The following FANCL variants were observed in gnomAD, a reference collection of about 807,000 sequenced individuals.
The protein encoded by FANCL is FA complementation group L.
Under a neutral mutation model 59.4 loss-of-function variants are expected in FANCL, and 69 were observed. The observed-to-expected ratio is 1.16, with a 90% CI of 0.96 to 1.42. The LOEUF (loss-of-function observed/expected upper bound fraction) is 1.42. Ranked by LOEUF, FANCL falls within the 40% of genes most tolerant of loss-of-function variation. The pLI, the probability that FANCL is intolerant of heterozygous loss-of-function variation, is 0.00. For synonymous variants in FANCL, 180 were observed against 147.1 expected (o/e 1.22, Z -1.62); for missense variants, 519 against 447.2 (o/e 1.16, Z -1.45).
intron 7 of FANCL, among the ~76,000 whole-genome samples, chr2:58,179,390 T>A (rs896535478): frequency 2.6e-5 from 4 of 152,052 alleles, no homozygotes; most frequent in African/African-American, 9.7e-5. Context: ...AACAGAGATA[T>A]AGACCAATGG....
intron 13 of FANCL, 75 bp downstream of exon 13, chr2:58,160,033 A>G: frequency 4.4e-6 from 7 of 1,602,002 alleles, no homozygotes; most frequent in Non-Finnish European, 5.1e-6. Flanking sequence ...CTGATATACT[A>G]TATAGATCTA....
intron 7 of FANCL, among the ~76,000 whole-genome samples, chr2:58,168,258 C>A (rs1279941607): frequency 2.6e-5 from 4 of 152,114 alleles, no homozygotes; most frequent in Non-Finnish European, 5.9e-5. Context: ...ACCGGCTCAC[C>A]TCATTGGGAC....
chr2:58,163,445 C>T lies in FANCL; in HGVS notation c.764G>A (p.Gly255Glu). 6.2e-7 allele frequency: 1 copy of T among 1,608,498 alleles called. No individual in the cohort carries two copies. The highest frequency in any genetic ancestry group is 8.5e-7 in the Non-Finnish European group (1 of 1,175,270). Residue 255 changes from glycine (G) to glutamate (E), a missense_variant, in exon 9 of 14, where the codon GGA (glycine) becomes GAA (glutamate). Transcript: ENST00000233741. Reference sequence around the variant, plus strand: ...CTCAGATGTCATACCATGGTCAGCTCCAAGAAAGAAGCACTCAGGAAGCAT... The same window carrying T: ...CTCAGATGTCATACCATGGTCAGCTTCAAGAAAGAAGCACTCAGGAAGCAT... ...PTMLPECFFLGADHVVKPLGI... is the reference protein window; with the variant it reads ...PTMLPECFFLEADHVVKPLGI...
intron 6 of FANCL, among the ~76,000 whole-genome samples, chr2:58,198,985 C>A (rs542101634): frequency 8.9e-4 from 132 of 148,816 alleles, no homozygotes; most frequent in Non-Finnish European, 1.6e-3. Context: ...GCCGAGACTG[C>A]GCCACTGCAC....
intron 5 of FANCL, among the ~76,000 whole-genome samples, chr2:58,210,470 G>C (rs560646102): frequency 6.6e-6 from 1 of 152,238 alleles, no homozygotes; most frequent in East Asian, 1.9e-4. Flanking sequence ...TGAGACTTGG[G>C]TAGGGACACA....
chr2:58,203,192 C>G (rs572832609), intron 6 of FANCL, among the ~76,000 whole-genome samples: 40 of 151,822 alleles, frequency 2.6e-4, no homozygotes, highest in Non-Finnish European at 1.0e-4. Context: ...CATACATATT[C>G]TGTGTGTGAG....
intron 8 of FANCL, among the ~76,000 whole-genome samples, chr2:58,165,517 A>G (rs1340449681): frequency 6.6e-6 from 1 of 152,130 alleles, no homozygotes; most frequent in Admixed American, 6.5e-5. Context: ...TTGGATCATC[A>G]CCTTTTATAA....
At chr2:58,198,832 A>T (rs979698488) in intron 6 of FANCL, among the ~76,000 whole-genome samples, 170 bp from the exon 7 acceptor site, 1 of 152,096 alleles carries the variant, frequency 6.6e-6, no homozygotes, top group African/African-American at 2.4e-5. Flanking sequence ...GATCGAGATC[A>T]TCCTGGCTAT....
Position 58,163,449 on chromosome 2 carries a change from G to A in FANCL, c.760C>T (p.Leu254Phe), listed in dbSNP as rs1331385236. 1.2e-6 allele frequency: 2 copies of A among 1,609,630 alleles called. No homozygotes were observed. The highest frequency in any genetic ancestry group is 1.7e-6 in the Non-Finnish European group (2 of 1,176,154). Residue 254 changes from leucine to phenylalanine, a missense_variant, in exon 9 of 14, where the codon CTT becomes TTT. By Grantham distance (22) the Leu-to-Phe change is conservative. Coordinates refer to ENST00000233741, the MANE Select transcript of FANCL (RefSeq NM_018062.4). ...GATGTCATACCATGGTCAGCTCCAA[G>A]AAAGAAGCACTCAGGAAGCATAGTA... is the stretch of plus-strand genomic sequence containing the variant. ...HPTMLPECFFLGADHVVKPLG... is the reference protein window; with the variant it reads ...HPTMLPECFFFGADHVVKPLG...
At chr2:58,221,131 T>A (rs951975962) in intron 5 of FANCL, among the ~76,000 whole-genome samples, 21 of 151,548 alleles carry the variant, frequency 1.4e-4, no homozygotes, top group African/African-American at 4.8e-4. Flanking sequence ...GGGAATGGCG[T>A]GAACCCGGGA....
At chr2:58,195,201 C>T (rs1689311642) in intron 7 of FANCL, among the ~76,000 whole-genome samples, 1 of 152,088 alleles carries the variant, frequency 6.6e-6, no homozygotes, top group African/African-American at 2.4e-5. Context: ...AGAAGTCTCA[C>T]ATTTCTTCTT....
chr2:58,231,647 A>G (rs1343297513), intron 2 of FANCL, among the ~76,000 whole-genome samples: 2 of 152,134 alleles, frequency 1.3e-5, no homozygotes, highest in African/African-American at 2.4e-5. Context: ...CCAGCACTCA[A>G]TGTTGGTACC....
chr2:58,231,591 G>C (rs1452498949), intron 2 of FANCL, among the ~76,000 whole-genome samples: 2 of 152,036 alleles, frequency 1.3e-5, no homozygotes, highest in Non-Finnish European at 2.9e-5. Context: ...TGAGATTTGG[G>C]GTGGTACCTA....
Position 58,221,966 on chromosome 2 carries a change from T to C in FANCL, c.350A>G (p.Glu117Gly). Residue 117 changes from glutamate to glycine, a missense_variant, in exon 5 of 14, where the codon GAG (glutamate) becomes GGG (glycine). Glu to Gly is a moderately conservative substitution (Grantham distance 98). Coordinates refer to ENST00000233741, the MANE Select transcript of FANCL (RefSeq NM_018062.4). ...PPQFYSSLIEEIGTLGWDKLV... is the reference protein window; with the variant it reads ...PPQFYSSLIEGIGTLGWDKLV... ...CTTATCCCAACCAAGAGTTCCTATC[T>C]CTTCAATAAGGCTTGAGTAGAACTG... 6.2e-7 allele frequency: 1 copy of C among 1,612,964 alleles called. No individual in the cohort carries two copies. Among genetic ancestry groups the C allele is most frequent in the East Asian group, 2.2e-5 (1 of 44,790 alleles).
chr2:58,175,897 C>T (rs1418276755), intron 7 of FANCL, among the ~76,000 whole-genome samples: 2 of 151,882 alleles, frequency 1.3e-5, no homozygotes, highest in East Asian at 3.9e-4. Flanking sequence ...TTGTCTCAGC[C>T]CAAAATCTCC....
chr2:58,160,017 G>C, intron 13 of FANCL, 91 bp downstream of exon 13: 1 of 1,576,084 alleles, frequency 6.3e-7, no homozygotes, highest in African/African-American at 1.4e-5. Context: ...AAAAGTTTTA[G>C]ATAAACTGAT....
At chr2:58,215,120 T>C (rs1691584530) in intron 5 of FANCL, among the ~76,000 whole-genome samples, 1 of 152,174 alleles carries the variant, frequency 6.6e-6, no homozygotes, top group Admixed American at 6.5e-5. Flanking sequence ...CATCTGAAGA[T>C]AAGTCAAAAT....
intron 5 of FANCL, among the ~76,000 whole-genome samples, chr2:58,213,270 C>T (rs1524856): frequency 0.012 from 1,776 of 152,258 alleles, 36 homozygotes; most frequent in African/African-American, 0.04. Context: ...GCTCCTCAGG[C>T]GGGGCCTTAA....
At chr2:58,229,213 G>T (rs986917370) in intron 3 of FANCL, among the ~76,000 whole-genome samples, 2 of 151,926 alleles carry the variant, frequency 1.3e-5, no homozygotes, top group African/African-American at 4.8e-5. Flanking sequence ...AAAAAGAAAG[G>T]CAATTCTAAA....
Sources: allele counts gnomAD v4.1 joint callset (sites outside exome capture counted in the v4.1 genomes callset), GRCh38; gene constraint gnomAD v4.1.1; transcripts MANE v1.5; gene names NCBI Gene and HGNC (gene_info 2026-07-23, HGNC 2026-07-21).